Variants in PUSL1 observed in about 807,000 individuals in gnomAD.
The protein encoded by PUSL1 is pseudouridine synthase like 1, also known as tRNA pseudouridine synthase-like 1.
PUSL1 carries 51 observed loss-of-function variants against 30.7 expected under a neutral mutation model. The ratio of observed to expected loss-of-function variants is 1.66; its 90% CI spans 1.33 to 2.10. PUSL1 has a LOEUF of 2.10. Among genes scored for constraint, PUSL1 ranks in the 30% most tolerant of loss-of-function variants. PUSL1 has a pLI of 0.00. For synonymous variants in PUSL1, 290 were observed against 192.1 expected (o/e 1.51, Z -4.21); for missense variants, 609 against 427.6 (o/e 1.42, Z -3.74).
At chr1:1,310,273 T>C (rs934528376) in intron 5 of PUSL1, 21 of 342,676 alleles carry the variant, frequency 6.1e-5, no homozygotes, top group Middle Eastern at 1.6e-3. Flanking sequence ...GCCCCAGACT[T>C]CTGTGGCAGA....
rs1397830006 is a variant in PUSL1 at position 1,309,718 on chromosome 1, C to A, written c.511C>A (p.His171Asn). 1 of 1,597,416 alleles carries A rather than the reference C, an allele frequency of 6.3e-7. No homozygotes were observed. The highest frequency in any genetic ancestry group is 2.3e-5 in the East Asian group (1 of 44,320). The change falls in exon 5 of 8, where the codon CAC (histidine) becomes AAC (asparagine). Residue 171 changes from histidine to asparagine, a missense_variant. Coordinates refer to ENST00000379031, the MANE Select transcript of PUSL1 (RefSeq NM_153339.3). The stretch of plus-strand genomic sequence containing the variant: ...GGTCGCCATGCAGGAAGCCGCCCAG[C>A]ACCTCCTCGGCACACACGACTTCAG... ...DMVAMQEAAQ[H>N]LLGTHDFSAF...
chr1:1,308,736 G>A lies in PUSL1; in HGVS notation c.77+16G>A, dbSNP rs755257562. The A allele has an allele frequency of 2.0e-6, 3 of 1,520,906 alleles. No homozygotes were observed. The highest frequency in any genetic ancestry group is 4.2e-5 in the Admixed American group (2 of 47,808). The allele number at this position is 1,520,906 out of a possible 1,614,324, so 94.2% of individuals were successfully genotyped here. A position where few individuals can be genotyped will look rare whatever the true frequency, so the allele number is the denominator to read the frequency against. Reference sequence around the variant, plus strand: ...CCGACTTTAAGTAGGTTTCCCAGGCGCAGCGGCGGGCGCCACGTGGGCCCG... The same window carrying A: ...CCGACTTTAAGTAGGTTTCCCAGGCACAGCGGCGGGCGCCACGTGGGCCCG... On this transcript the variant is annotated intron_variant, in intron 1 of 7. Coordinates refer to ENST00000379031, the MANE Select transcript of PUSL1 (RefSeq NM_153339.3).
At position 1,310,686 on chromosome 1, in the gene PUSL1, C is replaced by T. The variant is rs1203612460; in HGVS notation, c.697C>T (p.Gln233Ter). The T allele has an allele frequency of 4.4e-6, 7 of 1,607,694 alleles. No homozygotes were observed. The highest frequency in any genetic ancestry group is 1.7e-5 in the Admixed American group (1 of 59,752). Residue 233 changes from glutamine to a stop codon, truncating the protein, a stop_gained and splice_region_variant, in exon 6 of 8, where the codon CAG becomes TAG. Transcript: ENST00000379031. LOFTEE classifies it high-confidence loss of function. ...TGAGAGCCAGTCTTTCCTGTATAGACAGGTAGGCTCTGTTCTGGGGCCGTC... is the reference window on the plus strand; with the variant it reads ...TGAGAGCCAGTCTTTCCTGTATAGATAGGTAGGCTCTGTTCTGGGGCCGTC... ...EFESQSFLYR[Q>*]VRRMTAVLVA...
rs752423551 is a variant in PUSL1 at position 1,311,059 on chromosome 1, T to G, written c.850T>G (p.Tyr284Asp). 6.3e-7 allele frequency: 1 copy of G among 1,599,796 alleles called. No individual in the cohort carries two copies. Among genetic ancestry groups the G allele is most frequent in the Admixed American group, 1.7e-5 (1 of 59,482 alleles). ...AHGLFLKSVLYGNLGAASCTL... is the reference protein window; with the variant it reads ...AHGLFLKSVLDGNLGAASCTL... ...CGGCTTATTCCTCAAGTCAGTGCTG[T>G]ACGGGAACCTCGGTAAGAAAAACAG... The change falls in exon 7 of 8, where the codon TAC (tyrosine) becomes GAC (aspartate). Residue 284 changes from tyrosine to aspartate, a missense_variant. By Grantham distance (160) the Tyr-to-Asp change is radical. Coordinates refer to ENST00000379031, the MANE Select transcript of PUSL1 (RefSeq NM_153339.3).
chr1:1,310,581 C>T, intron 5 of PUSL1, 53 bp from the exon 6 acceptor site: 1 of 1,372,156 alleles, frequency 7.3e-7, no homozygotes, highest in Non-Finnish European at 1.0e-6. Context: ...ACATAGTAGG[C>T]TGAGGATGGC....
intron 5 of PUSL1, 70 bp downstream of exon 5, chr1:1,309,921 C>G (rs1016739820): frequency 1.8e-5 from 23 of 1,281,206 alleles, no homozygotes; most frequent in Non-Finnish European, 2.4e-5. Context: ...AGCACCTCCC[C>G]CAGTTTTAAG....
chr1:1,309,347 C>T (rs1381247135), intron 3 of PUSL1, 74 bp downstream of exon 3: 2 of 1,458,760 alleles, frequency 1.4e-6, no homozygotes, highest in Non-Finnish European at 1.8e-6. Flanking sequence ...GGCTGGAGAT[C>T]TGGACAGACT....
At chr1:1,309,958 C>T (rs912788950) in intron 5 of PUSL1, 107 bp downstream of exon 5, 5 of 919,280 alleles carry the variant, frequency 5.4e-6, no homozygotes, top group African/African-American at 3.4e-5. Flanking sequence ...GGCAGGCAGC[C>T]GGGAGTCCTC....
chr1:1,311,076 G>C lies in PUSL1; in HGVS notation c.862+5G>C. The stretch of plus-strand genomic sequence containing the variant: ...CAGTGCTGTACGGGAACCTCGGTAA[G>C]AAAAACAGGCACGAGAAGCTCCTGT... On this transcript the variant is annotated splice_donor_5th_base_variant and intron_variant, in intron 7 of 7. Coordinates refer to ENST00000379031, the MANE Select transcript of PUSL1 (RefSeq NM_153339.3). 6.3e-7 allele frequency: 1 copy of C among 1,593,910 alleles called. No individual in the cohort carries two copies. The highest frequency in any genetic ancestry group is 8.6e-7 in the Non-Finnish European group (1 of 1,166,038).
intron 1 of PUSL1, 33 bp from the exon 2 acceptor site, chr1:1,308,882 C>T (rs1361835013): frequency 1.1e-5 from 15 of 1,412,040 alleles, no homozygotes; most frequent in Non-Finnish European, 1.4e-5. Flanking sequence ...GGGCAGGGCG[C>T]CCCCGGTAAC....
In PUSL1 at chr1:1,310,981, C is replaced by A; in HGVS notation, c.772C>A (p.Leu258Met). 21 of 1,611,018 alleles carry A rather than the reference C, an allele frequency of 1.3e-5. No homozygotes were observed. Among genetic ancestry groups the A allele is most frequent in the Non-Finnish European group, 1.6e-5 (19 of 1,179,934 alleles). The change falls in exon 7 of 8, where the codon CTG becomes ATG. Residue 258 changes from leucine (L) to methionine (M), a missense_variant. Coordinates refer to ENST00000379031, the MANE Select transcript of PUSL1 (RefSeq NM_153339.3). ...ALAPAQVKTI[L>M]ESQDPLGKHQ... ...GGCACCTGCCCAGGTGAAGACGATT[C>A]TGGAGAGCCAAGATCCCCTGGGCAA...
intron 4 of PUSL1, 32 bp from the exon 5 acceptor site, chr1:1,309,649 C>A: frequency 1.9e-6 from 3 of 1,597,110 alleles, no homozygotes; most frequent in African/African-American, 1.3e-5. Context: ...AGGCCGGCCC[C>A]ACCCTCCTGA....
rs368155674 is a variant in PUSL1 at position 1,310,606 on chromosome 1, A to T, written c.645-28A>T. On this transcript the variant is annotated intron_variant, in intron 5 of 7. Coordinates refer to ENST00000379031, the MANE Select transcript of PUSL1 (RefSeq NM_153339.3). ...CTGAGGATGGCAAACACTGCCCCAC[A>T]GACACCTACAGGTACGTATTTTTCC... 181 of 1,516,304 alleles carry T rather than the reference A, an allele frequency of 1.2e-4. No individual in the cohort carries two copies. The African/African-American group carries it at 2.3e-3, about 19-fold the overall frequency. The allele number at this position is 1,516,304 out of a possible 1,614,324, so 93.9% of individuals were successfully genotyped here. A position where few individuals can be genotyped will look rare whatever the true frequency, so the allele number is the denominator to read the frequency against.
rs764569099 is a variant in PUSL1, at chr1:1,311,631, T to C, written c.*252T>C. ...GTTCAGCTTTTACTGGAAACTGCTG[T>C]CTAGGACCACCTGCCCTAACCAGGA... is the stretch of plus-strand genomic sequence containing the variant. On this transcript the variant is annotated 3_prime_UTR_variant, in exon 8 of 8. Transcript: ENST00000379031. 2.1e-5 allele frequency: 15 copies of C among 710,994 alleles called. No homozygotes were observed. Among genetic ancestry groups the C allele is most frequent in the Non-Finnish European group, 3.3e-5 (13 of 394,240 alleles). The allele number at this position is 710,994 out of a possible 1,614,324, so 44.0% of individuals were successfully genotyped here.
intron 5 of PUSL1, 99 bp from the exon 6 acceptor site, chr1:1,310,535 C>T (rs1232649029): frequency 8.1e-6 from 8 of 985,256 alleles, no homozygotes; most frequent in East Asian, 2.4e-5. Flanking sequence ...CCAGGCTCGT[C>T]TTTAGGCCCA....
chr1:1,310,963 G>A lies in PUSL1; in HGVS notation c.754G>A (p.Ala252Thr), dbSNP rs1251554386. 3.1e-6 allele frequency: 5 copies of A among 1,609,366 alleles called. No individual in the cohort carries two copies. Among genetic ancestry groups the A allele is most frequent in the East Asian group, 2.2e-5 (1 of 44,890 alleles). Residue 252 changes from alanine (A) to threonine (T), a missense_variant, in exon 7 of 8, where the codon GCC becomes ACC. By Grantham distance (58) the Ala-to-Thr change is moderately conservative (BLOSUM62 0). Coordinates refer to ENST00000379031, the MANE Select transcript of PUSL1 (RefSeq NM_153339.3). Reference sequence around the variant, plus strand: ...CGTGGGGCTGGGGGCTTTGGCACCTGCCCAGGTGAAGACGATTCTGGAGAG... The same window carrying A: ...CGTGGGGCTGGGGGCTTTGGCACCTACCCAGGTGAAGACGATTCTGGAGAG... ...VAVGLGALAP[A>T]QVKTILESQD...
At chr1:1,309,643 C>G in intron 4 of PUSL1, 38 bp from the exon 5 acceptor site, 2 of 1,596,546 alleles carry the variant, frequency 1.3e-6, no homozygotes, top group Non-Finnish European at 1.7e-6. Flanking sequence ...GCGGGCAGGC[C>G]GGCCCCACCC....
At position 1,309,219 on chromosome 1, in the gene PUSL1, C is replaced by G. The variant is rs557118889; in HGVS notation, c.269C>G (p.Pro90Arg). ...CGCCGCTCAGGCCGGCCGCCCTTCCCGCCCGAGGTCCTGGCCGAGGCCCTC... is the reference window on the plus strand; with the variant it reads ...CGCCGCTCAGGCCGGCCGCCCTTCCGGCCCGAGGTCCTGGCCGAGGCCCTC... ...VQRRSGRPPF[P>R]PEVLAEALNT... Residue 90 changes from proline to arginine, a missense_variant, in exon 3 of 8, where the codon CCG becomes CGG. Physicochemically the swap from Pro to Arg is moderately radical, Grantham distance 103. Coordinates refer to ENST00000379031, the MANE Select transcript of PUSL1 (RefSeq NM_153339.3). 308 of 1,521,750 alleles carry G rather than the reference C, an allele frequency of 2.0e-4. 4 individuals carry two copies. The South Asian group carries it at 3.4e-3, about 17-fold the overall frequency. The allele number at this position is 1,521,750 out of a possible 1,614,324, so 94.3% of individuals were successfully genotyped here.
chr1:1,309,811 C>A lies in PUSL1; in HGVS notation c.604C>A (p.Pro202Thr). The change falls in exon 5 of 8, where the codon CCA becomes ACA. Residue 202 changes from proline to threonine, a missense_variant. By Grantham distance (38) the Pro-to-Thr change is conservative. Coordinates refer to ENST00000379031, the MANE Select transcript of PUSL1 (RefSeq NM_153339.3). ...AACGCTGCGCCGGGTCTCCGTTTCC[C>A]CAGGCCAAGCCAGCCCCTTGGTCAC... ...VRTLRRVSVS[P>T]GQASPLVTPE... 1 of 1,549,070 alleles carries A rather than the reference C, an allele frequency of 6.5e-7. No homozygotes were observed. The highest frequency in any genetic ancestry group is 8.7e-7 in the Non-Finnish European group (1 of 1,145,794).
Sources: gnomAD v4.1 joint callset for allele counts on GRCh38, gnomAD v4.1.1 for gene constraint, MANE v1.5 for transcripts, NCBI Gene and HGNC (gene_info 2026-07-23, HGNC 2026-07-21) for gene names.